The following CADM1 variants were observed in gnomAD, a reference collection of about 807,000 sequenced individuals.
CADM1 encodes the protein cell adhesion molecule 1.
Under a neutral mutation model 53.1 loss-of-function variants are expected in CADM1, and 15 were observed. That is an observed-to-expected ratio of 0.28 (90% CI 0.19 to 0.44). The LOEUF (loss-of-function observed/expected upper bound fraction) is 0.44, where lower values mean the gene tolerates loss of function less well. Among genes scored for constraint, CADM1 ranks in the 20% least tolerant of loss-of-function variants. The probability of loss-of-function intolerance (pLI) is 1.00; values close to 1 mark genes in which losing one functional copy is unlikely to be tolerated. For synonymous variants in CADM1, 281 were observed against 243.0 expected (o/e 1.16, Z -1.45); for missense variants, 434 against 611.3 (o/e 0.71, Z 3.06).
At chr11:115,263,649 A>G (rs1943040564) in intron 1 of CADM1, among the ~76,000 whole-genome samples, 1 of 152,202 alleles carries the variant, frequency 6.6e-6, no homozygotes, top group Non-Finnish European at 1.5e-5. Flanking sequence ...ATCCAATACT[A>G]TTATTACTAA....
At chr11:115,406,591 A>C (rs1027245809) in intron 1 of CADM1, among the ~76,000 whole-genome samples, 2 of 148,246 alleles carry the variant, frequency 1.3e-5, no homozygotes, top group Admixed American at 1.3e-4. Flanking sequence ...TATTATAATA[A>C]ATAATAAAAT....
chr11:115,185,012 A>G lies in CADM1; in HGVS notation c.1165+5876T>C, dbSNP rs141531830. ...ATTTCTGGGACAGAACTTGAGCTTC[A>G]TTACTTTTCTCTGTGACTTCAGGCA... On this transcript the variant is annotated intron_variant, in intron 10 of 11. Coordinates refer to ENST00000331581, the MANE Select transcript of CADM1 (RefSeq NM_001301043.2). 6.7e-3 allele frequency among the ~76,000 whole-genome samples: 1,023 copies of G among 152,292 alleles called. 15 individuals are homozygous for G. The highest frequency in any genetic ancestry group is 0.022 in the African/African-American group (933 of 41,548).
chr11:115,443,275 AACCG>A (rs1948366897), intron 1 of CADM1, among the ~76,000 whole-genome samples: 1 of 152,240 alleles, frequency 6.6e-6, no homozygotes, highest in African/African-American at 2.4e-5. Context: ...AAACCAAAAC[AACCG>A]ATCTTCTGAC....
At chr11:115,294,853 G>C (rs1413199893) in intron 1 of CADM1, among the ~76,000 whole-genome samples, 1 of 152,026 alleles carries the variant, frequency 6.6e-6, no homozygotes, top group Non-Finnish European at 1.5e-5. Context: ...TGGCCAACAT[G>C]GTGAAACTCC....
chr11:115,380,973 C>A (rs991313313), intron 1 of CADM1, among the ~76,000 whole-genome samples: 26 of 152,206 alleles, frequency 1.7e-4, no homozygotes, highest in African/African-American at 5.8e-4. Context: ...CTTAGTAGTG[C>A]TAAGAGGTTC....
chr11:115,280,611 A>G (rs563106217), intron 1 of CADM1, among the ~76,000 whole-genome samples: 14 of 152,188 alleles, frequency 9.2e-5, no homozygotes, highest in Non-Finnish European at 1.5e-4. Flanking sequence ...AGCACTCTGA[A>G]TACACAGAGA....
At chr11:115,284,114 C>CTCTCTCTCTCTGTGTGTG (rs1351842329) in intron 1 of CADM1, among the ~76,000 whole-genome samples, 1 of 98,614 alleles carries the variant, frequency 1.0e-5, no homozygotes, top group Non-Finnish European at 2.1e-5. Flanking sequence ...CTCTCTCTCT[C>CTCTCTCTCTCTGTGTGTG]TGTGTGTGTG....
intron 1 of CADM1, among the ~76,000 whole-genome samples, chr11:115,463,851 C>CTT (rs555870982): frequency 8.9e-6 from 1 of 112,974 alleles, no homozygotes; most frequent in African/African-American, 3.5e-5. Flanking sequence ...AAACAAAAAG[C>CTT]TTTTTTTTTT....
chr11:115,301,794 G>C (rs1017997971), intron 1 of CADM1, among the ~76,000 whole-genome samples: 2 of 151,958 alleles, frequency 1.3e-5, no homozygotes, highest in African/African-American at 4.8e-5. Context: ...GTAAAAAAGA[G>C]ATAACAGTAC....
At chr11:115,379,628 G>T (rs553363712) in intron 1 of CADM1, among the ~76,000 whole-genome samples, 2 of 152,280 alleles carry the variant, frequency 1.3e-5, no homozygotes, top group South Asian at 4.1e-4. Flanking sequence ...GGTGGTGATT[G>T]TGTTTCTTGA....
intron 1 of CADM1, among the ~76,000 whole-genome samples, chr11:115,306,920 C>A (rs981777677): frequency 1.3e-5 from 2 of 151,928 alleles, no homozygotes; most frequent in Non-Finnish European, 2.9e-5. Context: ...CTTATGGATG[C>A]ATTGCTTAAT....
Position 115,263,177 on chromosome 11 carries a change from C to T in CADM1, c.125-22757G>A, listed in dbSNP as rs376120510. Among the ~76,000 whole-genome samples the T allele has an allele frequency of 3.2e-3, 480 of 152,326 alleles. 5 individuals carry two copies. Among genetic ancestry groups the T allele is most frequent in the African/African-American group, 0.01 (432 of 41,570 alleles). Reference sequence around the variant, plus strand: ...ATTGGTGACATTAACCTTGATCCATCGGTCAAGGTGATGTATGCCAGGTTT... The same window carrying T: ...ATTGGTGACATTAACCTTGATCCATTGGTCAAGGTGATGTATGCCAGGTTT... On this transcript the variant is annotated intron_variant, in intron 1 of 11. Transcript: ENST00000331581.
At chr11:115,376,214 T>C (rs1368495071) in intron 1 of CADM1, among the ~76,000 whole-genome samples, 5 of 152,170 alleles carry the variant, frequency 3.3e-5, no homozygotes. Flanking sequence ...GGGGAAATAG[T>C]GCTATAAGCT....
intron 1 of CADM1, among the ~76,000 whole-genome samples, chr11:115,366,228 A>G (rs553918118): frequency 6.6e-6 from 1 of 152,336 alleles, no homozygotes; most frequent in Admixed American, 6.5e-5. Context: ...CAGCACAAAA[A>G]CAGGTGAACA....
intron 1 of CADM1, among the ~76,000 whole-genome samples, chr11:115,247,394 T>C (rs1007464785): frequency 6.6e-6 from 1 of 152,188 alleles, no homozygotes; most frequent in Non-Finnish European, 1.5e-5. Context: ...TTTTGTTTTC[T>C]TGGCATTCAA....
At chr11:115,317,947 G>A (rs778474443) in intron 1 of CADM1, among the ~76,000 whole-genome samples, 1 of 151,440 alleles carries the variant, frequency 6.6e-6, no homozygotes, top group Non-Finnish European at 1.5e-5. Flanking sequence ...TTGCATCAGA[G>A]GGCTTTGAAA....
In CADM1 at chr11:115,176,052, G is replaced by A; in HGVS notation, c.*422C>T. 9.2e-7 allele frequency: 1 copy of A among 1,085,130 alleles called. No individual in the cohort carries two copies. The highest frequency in any genetic ancestry group is 1.1e-6 in the Non-Finnish European group (1 of 890,392). 67.2% of individuals were successfully genotyped at this position (1,085,130 alleles called of 1,614,324 possible). On this transcript the variant is annotated 3_prime_UTR_variant, in exon 12 of 12. Coordinates refer to ENST00000331581, the MANE Select transcript of CADM1 (RefSeq NM_001301043.2). ...AGAAAAGGGAAGGAAAAGAGTCTAA[G>A]GAATCCCAGCAGGCAAATTCCAAAA... is the stretch of plus-strand genomic sequence containing the variant.
At chr11:115,487,323 A>G (rs538709597) in intron 1 of CADM1, among the ~76,000 whole-genome samples, 1 of 152,362 alleles carries the variant, frequency 6.6e-6, no homozygotes, top group Non-Finnish European at 1.5e-5. Flanking sequence ...CATTATAAGT[A>G]CATTATATAT....
chr11:115,233,189 T>G (rs985502574), intron 3 of CADM1, among the ~76,000 whole-genome samples: 1 of 152,214 alleles, frequency 6.6e-6, no homozygotes, highest in African/African-American at 2.4e-5. Context: ...ATCCCTCTTC[T>G]TTGTTTCCCG....
Sources: gnomAD v4.1 joint callset for allele counts (sites outside exome capture counted in the v4.1 genomes callset) on GRCh38, gnomAD v4.1.1 for gene constraint, MANE v1.5 for transcripts, NCBI Gene and HGNC (gene_info 2026-07-23, HGNC 2026-07-21) for gene names.